NIBAN1: variants seen among roughly 807,000 people sequenced by gnomAD.
NIBAN1 encodes the protein niban apoptosis regulator 1, also known as protein Niban 1.
Under a neutral mutation model 75.1 loss-of-function variants are expected in NIBAN1, and 81 were observed. The ratio of observed to expected loss-of-function variants is 1.08; its 90% CI spans 0.90 to 1.30. The LOEUF (loss-of-function observed/expected upper bound fraction) is 1.30. NIBAN1 is among the 50% of genes most tolerant of loss of function. The pLI is 0.00. For synonymous variants in NIBAN1, 436 were observed against 424.8 expected (o/e 1.03, Z -0.32); for missense variants, 1,133 against 1,128.1 (o/e 1.00, Z -0.06).
chr1:184,803,484 C>T, intron 12 of NIBAN1, 101 bp downstream of exon 12: 1 of 857,476 alleles, frequency 1.2e-6, no homozygotes. Context: ...GCCAATCCCT[C>T]CCTGGTCTAG....
At chr1:184,925,326 G>A (rs554545476) in intron 1 of NIBAN1, among the ~76,000 whole-genome samples, 1 of 151,994 alleles carries the variant, frequency 6.6e-6, no homozygotes, top group African/African-American at 2.4e-5. Flanking sequence ...ATTTCCTATA[G>A]GCAACCAATC....
chr1:184,968,351 T>C (rs1268944519), intron 1 of NIBAN1, among the ~76,000 whole-genome samples: 1 of 152,266 alleles, frequency 6.6e-6, no homozygotes, highest in Non-Finnish European at 1.5e-5. Flanking sequence ...AAAGTAATTA[T>C]TGATACTAGC....
At chr1:184,884,102 A>G (rs1656446748) in intron 5 of NIBAN1, among the ~76,000 whole-genome samples, 1 of 151,666 alleles carries the variant, frequency 6.6e-6, no homozygotes, top group Non-Finnish European at 1.5e-5. Context: ...GTTCTGCTTC[A>G]CCGGGGCCTC....
intron 1 of NIBAN1, among the ~76,000 whole-genome samples, chr1:184,952,595 T>G (rs1658386436): frequency 6.6e-6 from 1 of 152,082 alleles, no homozygotes. Context: ...CAAAAAAATC[T>G]CATAATGTTT....
intron 1 of NIBAN1, among the ~76,000 whole-genome samples, chr1:184,937,145 C>CTTTTTTT (rs138240427): frequency 8.7e-5 from 8 of 92,122 alleles, no homozygotes; most frequent in Non-Finnish European, 1.4e-4. Context: ...TAGCTGGATT[C>CTTTTTTT]TTTTTTTTTT....
rs1363935519 is a variant in NIBAN1 at position 184,793,450 on chromosome 1, G to A, written c.*1527C>T. Reference sequence around the variant, plus strand: ...GCATGGCTGTAATTCCAGCTACTTGGGACGCTGACAGAGGAGAATCTCCTG... The same window carrying A: ...GCATGGCTGTAATTCCAGCTACTTGAGACGCTGACAGAGGAGAATCTCCTG... On this transcript the variant is annotated 3_prime_UTR_variant, in exon 14 of 14. Coordinates refer to ENST00000367511, the MANE Select transcript of NIBAN1 (RefSeq NM_052966.4). The A allele has an allele frequency of 6.6e-6, 1 of 152,156 alleles. No homozygotes were observed. The highest frequency in any genetic ancestry group is 1.5e-5 in the Non-Finnish European group (1 of 68,060). 9.4% of individuals were successfully genotyped at this position (152,156 alleles called of 1,614,324 possible). A position where few individuals can be genotyped will look rare whatever the true frequency, so the allele number is the denominator to read the frequency against.
intron 1 of NIBAN1, among the ~76,000 whole-genome samples, chr1:184,911,872 A>T (rs1657249539): frequency 1.3e-5 from 2 of 152,194 alleles, no homozygotes; most frequent in Non-Finnish European, 2.9e-5. Flanking sequence ...ATATATACCT[A>T]CTACCCAGCT....
At chr1:184,796,936 G>C (rs1358189167) in intron 13 of NIBAN1, among the ~76,000 whole-genome samples, 3 of 152,204 alleles carry the variant, frequency 2.0e-5, no homozygotes, top group African/African-American at 7.2e-5. Flanking sequence ...CAGTGGCCTT[G>C]ACCGAGCCCT....
intron 5 of NIBAN1, among the ~76,000 whole-genome samples, chr1:184,832,933 G>C (rs1457430097): frequency 6.6e-6 from 1 of 152,038 alleles, no homozygotes; most frequent in Non-Finnish European, 1.5e-5. Context: ...TCTTCATGAG[G>C]AAATGAACTT....
intron 1 of NIBAN1, among the ~76,000 whole-genome samples, chr1:184,907,354 G>A (rs1657132160): frequency 6.6e-6 from 1 of 152,166 alleles, no homozygotes; most frequent in African/African-American, 2.4e-5. Flanking sequence ...ATCCACATAT[G>A]AGAAGATTAA....
intron 1 of NIBAN1, among the ~76,000 whole-genome samples, chr1:184,915,004 G>A (rs796851163): frequency 2.5e-4 from 38 of 152,344 alleles, no homozygotes; most frequent in African/African-American, 9.1e-4. Flanking sequence ...TTACAGGCGT[G>A]AGCCACTGTG....
rs1653688370 is a variant in NIBAN1, at chr1:184,791,206, T to C, written c.*3771A>G. ...GCAAACCCTCAAACCCGTCTCTTTA[T>C]GGTAAAGTGTGAAGGCACATGTTGC... is the stretch of plus-strand genomic sequence containing the variant. On this transcript the variant is annotated 3_prime_UTR_variant, in exon 14 of 14. Coordinates refer to ENST00000367511, the MANE Select transcript of NIBAN1 (RefSeq NM_052966.4). 8.4e-6 allele frequency: 3 copies of C among 355,708 alleles called. No homozygotes were observed. In the Admixed American group the frequency reaches 1.1e-4, roughly 13 times the overall value. The allele number at this position is 355,708 out of a possible 1,614,324, so 22.0% of individuals were successfully genotyped here. A position where few individuals can be genotyped will look rare whatever the true frequency, so the allele number is the denominator to read the frequency against.
chr1:184,833,401 A>G (rs533343640), intron 5 of NIBAN1, among the ~76,000 whole-genome samples: 9 of 152,044 alleles, frequency 5.9e-5, no homozygotes, highest in African/African-American at 1.9e-4. Flanking sequence ...TCGAAGCTGC[A>G]TTTTAAAAAA....
intron 1 of NIBAN1, among the ~76,000 whole-genome samples, chr1:184,913,154 T>TGATATATATATATATATATTATATA (rs1553227228): frequency 2.7e-5 from 4 of 146,648 alleles, no homozygotes; most frequent in South Asian, 2.1e-4. Context: ...TATATATATA[T>TGATATATATATATATATATTATATA]TATATATATA....
At chr1:184,915,091 C>A (rs116849712) in intron 1 of NIBAN1, among the ~76,000 whole-genome samples, 14 of 152,252 alleles carry the variant, frequency 9.2e-5, no homozygotes, top group Non-Finnish European at 1.5e-4. Context: ...CTCTAGAAAA[C>A]CTTTCATGTC....
intron 5 of NIBAN1, among the ~76,000 whole-genome samples, chr1:184,875,780 C>T (rs1368081595): frequency 1.3e-5 from 2 of 152,028 alleles, no homozygotes; most frequent in African/African-American, 2.4e-5. Flanking sequence ...GAAATAAAGC[C>T]CAAGAAAATA....
intron 1 of NIBAN1, among the ~76,000 whole-genome samples, chr1:184,960,228 A>ATT (rs1658594840): frequency 2.0e-5 from 3 of 152,192 alleles, no homozygotes; most frequent in Non-Finnish European, 4.4e-5. Context: ...TTAAATTTAA[A>ATT]TAAGAATTTT....
chr1:184,913,457 G>A (rs2102008338), intron 1 of NIBAN1, among the ~76,000 whole-genome samples: 1 of 152,160 alleles, frequency 6.6e-6, no homozygotes, highest in Middle Eastern at 3.4e-3. Context: ...CTGAGCTCAT[G>A]CACTCCATTG....
At position 184,890,162 on chromosome 1, in the gene NIBAN1, T is replaced by C; in HGVS notation, c.379A>G (p.Thr127Ala). 1 of 1,613,890 alleles carries C rather than the reference T, an allele frequency of 6.2e-7. No individual in the cohort carries two copies. The highest frequency in any genetic ancestry group is 8.5e-7 in the Non-Finnish European group (1 of 1,179,856). Residue 127 changes from threonine to alanine, a missense_variant, in exon 4 of 14, where the codon ACC (threonine) becomes GCC (alanine). Transcript: ENST00000367511. ...RILPAGGKVL[T>A]SEDEYNLLSD... is the part of the protein sequence containing the mutation. ...AACAGATTATATTCATCTTCTGAGG[T>C]TAACACCTTGCCACCGGCTGGAAGA...
Sources: allele counts gnomAD v4.1 joint callset (sites outside exome capture counted in the v4.1 genomes callset), GRCh38; gene constraint gnomAD v4.1.1; transcripts MANE v1.5; gene names NCBI Gene and HGNC (gene_info 2026-07-23, HGNC 2026-07-21).